The following OLFM2 variants were observed in gnomAD, a reference collection of about 807,000 sequenced individuals.
The protein encoded by OLFM2 is noelin-2.
In OLFM2, 20 loss-of-function variants were observed where a neutral mutation model predicts 43.9. That is an observed-to-expected ratio of 0.46 (90% confidence interval 0.32 to 0.66). The LOEUF is 0.66. Among genes scored for constraint, OLFM2 ranks in the 30% least tolerant of loss-of-function variants. The pLI, the probability that OLFM2 is intolerant of heterozygous loss-of-function variation, is 0.04. For missense variants in OLFM2, 416 were observed against 643.6 expected, an observed-to-expected ratio of 0.65 and a Z score of 3.83; for synonymous variants, 268 against 278.6, an observed-to-expected ratio of 0.96 and a Z score of 0.38.
chr19:9,872,464 G>A (rs1204130080), intron 1 of OLFM2, among the ~76,000 whole-genome samples: 1 of 151,778 alleles, frequency 6.6e-6, no homozygotes. Context: ...GCAGTGAGCC[G>A]AGATCACGCC....
intron 1 of OLFM2, among the ~76,000 whole-genome samples, chr19:9,933,794 C>A (rs2145015408): frequency 6.6e-6 from 1 of 151,428 alleles, no homozygotes. Context: ...TGACCTCAGG[C>A]GATCCACTTG....
intron 1 of OLFM2, among the ~76,000 whole-genome samples, chr19:9,869,170 G>C (rs2046425063): frequency 6.6e-6 from 1 of 152,122 alleles, no homozygotes; most frequent in African/African-American, 2.4e-5. Flanking sequence ...GCGGTTCTCA[G>C]TGTCCTGAAA....
chr19:9,860,827 C>G lies in OLFM2; in HGVS notation c.64-33G>C, dbSNP rs551367762. 3.1e-5 allele frequency: 49 copies of G among 1,585,386 alleles called. 1 individual carries two copies. In the East Asian group the frequency reaches 9.7e-4, roughly 31 times the overall value. ...GAGGTGGGGGTCAGAGACCGGAATC[C>G]CAGTGAGGGTCTCGCCTCGCCCTCA... On this transcript the variant is annotated intron_variant, in intron 1 of 5. Coordinates refer to ENST00000264833, the MANE Select transcript of OLFM2 (RefSeq NM_058164.4).
chr19:9,897,519 C>A (rs937843449), intron 1 of OLFM2, among the ~76,000 whole-genome samples: 1 of 151,798 alleles, frequency 6.6e-6, no homozygotes, highest in African/African-American at 2.4e-5. Flanking sequence ...AAAATAAAAA[C>A]AAAATACTTG....
At chr19:9,860,617 G>C (rs1374443209) in intron 2 of OLFM2, 28 bp downstream of exon 2, 1 of 1,561,686 alleles carries the variant, frequency 6.4e-7, no homozygotes. Flanking sequence ...TTTCCCAGCT[G>C]CCCCCAGGGT....
At chr19:9,876,770 T>C (rs913439186) in intron 1 of OLFM2, among the ~76,000 whole-genome samples, 2 of 152,194 alleles carry the variant, frequency 1.3e-5, no homozygotes, top group African/African-American at 4.8e-5. Flanking sequence ...CTAAGAATAG[T>C]ACTGATGTCA....
chr19:9,928,727 C>T (rs1452969948), intron 1 of OLFM2, among the ~76,000 whole-genome samples: 3 of 151,900 alleles, frequency 2.0e-5, no homozygotes, highest in Non-Finnish European at 2.9e-5. Flanking sequence ...ATTGCTTGAA[C>T]CCAGGAGGCA....
At chr19:9,901,455 C>A (rs1000963601) in intron 1 of OLFM2, among the ~76,000 whole-genome samples, 2 of 148,768 alleles carry the variant, frequency 1.3e-5, no homozygotes, top group Non-Finnish European at 3.0e-5. Flanking sequence ...AACAAACAAA[C>A]AAAAAACATA....
At chr19:9,910,199 C>G (rs2046816831) in intron 1 of OLFM2, among the ~76,000 whole-genome samples, 1 of 151,968 alleles carries the variant, frequency 6.6e-6, no homozygotes, top group Non-Finnish European at 1.5e-5. Flanking sequence ...GAGACTCTTT[C>G]TCTAAAAATA....
chr19:9,870,712 A>AGC (rs1281393707), intron 1 of OLFM2, among the ~76,000 whole-genome samples: 1 of 151,168 alleles, frequency 6.6e-6, no homozygotes, highest in Non-Finnish European at 1.5e-5. Flanking sequence ...CCGGGGCTCA[A>AGC]GCGTTCAGGT....
intron 1 of OLFM2, among the ~76,000 whole-genome samples, chr19:9,864,194 C>T (rs898069155): frequency 1.3e-5 from 2 of 152,210 alleles, no homozygotes; most frequent in Non-Finnish European, 2.9e-5. Context: ...GGAAAGAACT[C>T]GAAGGTGTAT....
intron 1 of OLFM2, chr19:9,913,444 ACGCCCCCCGGGAG>A: frequency 2.0e-6 from 2 of 1,021,172 alleles, no homozygotes; most frequent in Non-Finnish European, 2.4e-6. Context: ...CGCGGGTACC[ACGCCCCCCGGGAG>A]CGCCCCCCGC....
At chr19:9,863,217 C>T (rs922985795) in intron 1 of OLFM2, among the ~76,000 whole-genome samples, 1 of 151,928 alleles carries the variant, frequency 6.6e-6, no homozygotes, top group African/African-American at 2.4e-5. Context: ...AAGGAGGAGG[C>T]CCATGTGGCT....
At chr19:9,898,913 C>A (rs559189501) in intron 1 of OLFM2, among the ~76,000 whole-genome samples, 2 of 152,282 alleles carry the variant, frequency 1.3e-5, no homozygotes, top group Middle Eastern at 3.4e-3. Flanking sequence ...ATTACCCAAC[C>A]CAGCAGCTAG....
chr19:9,863,090 C>G (rs1239791027), intron 1 of OLFM2, among the ~76,000 whole-genome samples: 1 of 151,644 alleles, frequency 6.6e-6, no homozygotes, highest in Non-Finnish European at 1.5e-5. Context: ...AGTCTTTGTT[C>G]AAGACCTGAA....
intron 1 of OLFM2, among the ~76,000 whole-genome samples, chr19:9,861,004 G>A (rs964558997): frequency 3.3e-5 from 5 of 152,108 alleles, no homozygotes; most frequent in Admixed American, 6.5e-5. Flanking sequence ...TAAGGAACAC[G>A]GCAAGGAATT....
At chr19:9,927,696 G>A (rs1395689702) in intron 1 of OLFM2, among the ~76,000 whole-genome samples, 1 of 152,214 alleles carries the variant, frequency 6.6e-6, no homozygotes, top group African/African-American at 2.4e-5. Flanking sequence ...AGAGCGGACT[G>A]TGTCACGTCC....
intron 1 of OLFM2, among the ~76,000 whole-genome samples, chr19:9,864,481 A>G (rs541865343): frequency 6.6e-6 from 1 of 152,014 alleles, no homozygotes; most frequent in Non-Finnish European, 1.5e-5. Flanking sequence ...TTGTATTTTT[A>G]GTAGAGATAG....
rs2145426620 is a variant in OLFM2 at position 9,854,543 on chromosome 19, G to A, written c.1008C>T (p.Tyr336=). ...MVDESGLWAV[Y]TTNQNAGNIV... is the part of the protein sequence containing the mutation. ...TGTTGCCCGCGTTCTGGTTGGTGGT[G>A]TACACAGCCCAGAGCCCGCTCTCGT... is the stretch of plus-strand genomic sequence containing the variant. The change falls in exon 6 of 6, where the codon TAC becomes TAT. Residue 336 remains tyrosine, a synonymous_variant. Coordinates refer to ENST00000264833, the MANE Select transcript of OLFM2 (RefSeq NM_058164.4). The surrounding 1 kb of genome is among the most constrained non-coding windows in gnomAD (Gnocchi z 9.5). 1.2e-6 allele frequency: 2 copies of A among 1,613,872 alleles called. No homozygotes were observed. The highest frequency in any genetic ancestry group is 1.7e-6 in the Non-Finnish European group (2 of 1,180,048).
Sources: gnomAD v4.1 joint callset for allele counts (sites outside exome capture counted in the v4.1 genomes callset) on GRCh38, gnomAD v4.1.1 for gene constraint, Gnocchi (gnomAD v3.1) non-coding constraint, MANE v1.5 for transcripts, NCBI Gene and HGNC (gene_info 2026-07-23, HGNC 2026-07-21) for gene names.